APPL2: variants seen among roughly 807,000 people sequenced by gnomAD.
APPL2 encodes the protein adaptor protein, phosphotyrosine interacting with PH domain and leucine zipper 2.
Under a neutral mutation model 92.7 loss-of-function variants are expected in APPL2, and 84 were observed. That is an observed-to-expected ratio of 0.91 (90% CI 0.76 to 1.09). The LOEUF is 1.09. Among genes scored for constraint, APPL2 ranks in the 50% least tolerant of loss-of-function variants. The pLI, the probability that APPL2 is intolerant of heterozygous loss-of-function variation, is 0.00. For synonymous variants in APPL2, 291 were observed against 291.0 expected (o/e 1.00, Z 0.00); for missense variants, 736 against 824.5 (o/e 0.89, Z 1.31).
intron 8 of APPL2, 85 bp from the exon 9 acceptor site, chr12:105,203,870 G>C: frequency 1.6e-6 from 2 of 1,237,190 alleles, no homozygotes; most frequent in Non-Finnish European, 2.3e-6. Context: ...CAGCGTGAGG[G>C]CAGCCATCAC....
intron 1 of APPL2, 80 bp downstream of exon 1, chr12:105,235,879 C>T: frequency 1.7e-6 from 2 of 1,152,636 alleles, no homozygotes; most frequent in Non-Finnish European, 2.2e-6. Context: ...CGGCCGGGGG[C>T]GCGGCCTCCA....
chr12:105,206,812 C>G, intron 8 of APPL2: 1 of 391,548 alleles, frequency 2.6e-6, no homozygotes, highest in East Asian at 4.4e-5. Context: ...ACAGGCTCTT[C>G]CCCAAGAGAG....
chr12:105,207,008 G>A, intron 8 of APPL2, 53 bp downstream of exon 8: 1 of 1,587,954 alleles, frequency 6.3e-7, no homozygotes, highest in Non-Finnish European at 8.5e-7. Context: ...TGCCCTCTCA[G>A]CAGAACGCCA....
In APPL2 at chr12:105,190,019, C is replaced by T. The variant is rs977070238; in HGVS notation, c.1378G>A (p.Glu460Lys). 1.9e-5 allele frequency: 30 copies of T among 1,614,192 alleles called. No homozygotes were observed. The highest frequency in any genetic ancestry group is 2.5e-5 in the Non-Finnish European group (30 of 1,180,034). Residue 460 changes from glutamate to lysine, a missense_variant, in exon 15 of 21, where the codon GAA (glutamate) becomes AAA (lysine). By Grantham distance (56) the Glu-to-Lys change is moderately conservative. Transcript: ENST00000258530. ...CTCCCTCTGTTCTGATCAAGGAATTCTGTAGCAGGAAGCACAATATCGAAT... is the reference window on the plus strand; with the variant it reads ...CTCCCTCTGTTCTGATCAAGGAATTTTGTAGCAGGAAGCACAATATCGAAT... ...IQFDIVLPAT[E>K]FLDQNRGSRR... is the part of the protein sequence containing the mutation.
chr12:105,215,144 T>C (rs1001359415), intron 4 of APPL2, among the ~76,000 whole-genome samples: 6 of 152,222 alleles, frequency 3.9e-5, no homozygotes, highest in Admixed American at 1.3e-4. Context: ...CAGGGGGATG[T>C]TGCAGGAACC....
intron 2 of APPL2, among the ~76,000 whole-genome samples, chr12:105,221,221 G>A (rs1288153153): frequency 6.6e-6 from 1 of 152,204 alleles, no homozygotes; most frequent in African/African-American, 2.4e-5. Context: ...CAAAACTGGA[G>A]CCCGAGTGAG....
At chr12:105,206,965 T>C in intron 8 of APPL2, 96 bp downstream of exon 8, 1 of 1,455,648 alleles carries the variant, frequency 6.9e-7, no homozygotes, top group Non-Finnish European at 9.2e-7. Context: ...CATTTATGTT[T>C]CTTTCTACGA....
chr12:105,205,096 T>C (rs1204925002), intron 8 of APPL2, among the ~76,000 whole-genome samples: 1 of 152,172 alleles, frequency 6.6e-6, no homozygotes, highest in Non-Finnish European at 1.5e-5. Flanking sequence ...GGAAGTGCTA[T>C]GTTCATGGAA....
Position 105,188,446 on chromosome 12 carries a change from A to T in APPL2, c.1461T>A (p.Asp487Glu). The T allele has an allele frequency of 6.2e-7, 1 of 1,613,986 alleles. No homozygotes were observed. Among genetic ancestry groups the T allele is most frequent in the Non-Finnish European group, 8.5e-7 (1 of 1,179,902 alleles). Reference sequence around the variant, plus strand: ...CTATAAACATCTGCTGCAAAAGAGAATCTGGAAGACAGCATTTTCCACTCA... The same window carrying T: ...CTATAAACATCTGCTGCAAAAGAGATTCTGGAAGACAGCATTTTCCACTCA... The part of the protein sequence containing the change: ...TEDESFPEAE[D>E]SLLQQMFIVR... The change falls in exon 17 of 21, where the codon GAT becomes GAA. Residue 487 changes from aspartate (D) to glutamate (E), a missense_variant and splice_region_variant. Physicochemically the swap from Asp to Glu is conservative, Grantham distance 45. Coordinates refer to ENST00000258530, the MANE Select transcript of APPL2 (RefSeq NM_018171.5).
At chr12:105,182,877 G>A (rs1266550804) in intron 17 of APPL2, among the ~76,000 whole-genome samples, 1 of 152,110 alleles carries the variant, frequency 6.6e-6, no homozygotes, top group Non-Finnish European at 1.5e-5. Context: ...ATATTATTGT[G>A]TGGGAGTCTA....
intron 17 of APPL2, among the ~76,000 whole-genome samples, chr12:105,182,334 G>C (rs1193558657): frequency 6.6e-6 from 1 of 152,180 alleles, no homozygotes; most frequent in Non-Finnish European, 1.5e-5. Context: ...CAACCTTCTA[G>C]TTCTTTTAAT....
intron 10 of APPL2, among the ~76,000 whole-genome samples, chr12:105,198,910 C>T (rs143604261): frequency 4.6e-5 from 7 of 152,322 alleles, no homozygotes; most frequent in African/African-American, 1.2e-4. Context: ...CCATTCAAAA[C>T]GGACACTTAA....
chr12:105,199,292 A>G, intron 10 of APPL2, 81 bp downstream of exon 10: 1 of 1,507,802 alleles, frequency 6.6e-7, no homozygotes, highest in Non-Finnish European at 9.0e-7. Context: ...TCTGACTTTA[A>G]TGAGGCACGT....
chr12:105,179,523 G>C (rs1423722071), intron 17 of APPL2, among the ~76,000 whole-genome samples: 1 of 152,116 alleles, frequency 6.6e-6, no homozygotes, highest in South Asian at 2.1e-4. Context: ...TGGGTCAAAT[G>C]GTTATTTCTG....
chr12:105,203,623 C>A, intron 9 of APPL2, 80 bp downstream of exon 9: 1 of 1,353,106 alleles, frequency 7.4e-7, no homozygotes, highest in Non-Finnish European at 1.1e-6. Context: ...CAGTTAGAAC[C>A]CTCCCCGTGA....
Position 105,176,061 on chromosome 12 carries a change from C to T in APPL2, c.1834G>A (p.Gly612Arg). ...TTCTGAACCTCAATAATTTCTTTTC[C>T]CAAATTAATAGCATAACATATCTGC... ...GEKICYAINL[G>R]KEIIEVQKDP... Residue 612 changes from glycine (G) to arginine (R), a missense_variant, in exon 20 of 21, where the codon GGA (glycine) becomes AGA (arginine). Physicochemically the swap from Gly to Arg is moderately radical, Grantham distance 125. Transcript: ENST00000258530. 1 of 1,589,648 alleles carries T rather than the reference C, an allele frequency of 6.3e-7. No individual in the cohort carries two copies. The highest frequency in any genetic ancestry group is 8.5e-7 in the Non-Finnish European group (1 of 1,171,782).
intron 1 of APPL2, among the ~76,000 whole-genome samples, chr12:105,235,052 G>A (rs1891149167): frequency 6.6e-6 from 1 of 152,134 alleles, no homozygotes; most frequent in Non-Finnish European, 1.5e-5. Flanking sequence ...AAAAGAGAGG[G>A]GAAAGTGTGA....
chr12:105,192,285 T>C (rs2440699), intron 14 of APPL2, among the ~76,000 whole-genome samples: 152,298 of 152,298 alleles, frequency 1, 76,149 homozygotes, highest in Non-Finnish European at 1. Context: ...TCTTGGGCTG[T>C]TGGGACGCCT....
chr12:105,231,610 G>A lies in APPL2; in HGVS notation c.55-2387C>T, dbSNP rs11112417. ...CACCAGCAGGGTGGCTCTCATCAGC[G>A]AGCATGATCTTTGGTCCACAGCGTA... On this transcript the variant is annotated intron_variant, in intron 1 of 20. Transcript: ENST00000258530. Among the ~76,000 whole-genome samples, 755 of 152,312 alleles carry A rather than the reference G, an allele frequency of 5.0e-3. 43 individuals are homozygous for A. The East Asian group carries it at 0.11, about 23-fold the overall frequency.
Sources: gnomAD v4.1 joint callset for allele counts (sites outside exome capture counted in the v4.1 genomes callset) on GRCh38, gnomAD v4.1.1 for gene constraint, MANE v1.5 for transcripts, NCBI Gene and HGNC (gene_info 2026-07-23, HGNC 2026-07-21) for gene names.